The following RSPO3 variants were observed in gnomAD, a reference collection of about 807,000 sequenced individuals.
RSPO3 encodes the protein R-spondin 3, also known as R-spondin-3.
Under a neutral mutation model 36.5 loss-of-function variants are expected in RSPO3, and 17 were observed. That is an observed-to-expected ratio of 0.47 (90% CI 0.32 to 0.70). RSPO3 has a LOEUF of 0.70. Ranked by LOEUF, RSPO3 falls within the 30% of genes least tolerant of loss-of-function variation. The probability of loss-of-function intolerance (pLI) is 0.04; values close to 1 mark genes in which losing one functional copy is unlikely to be tolerated. For missense variants in RSPO3, 294 were observed against 322.5 expected, an observed-to-expected ratio of 0.91 and a Z score of 0.68; for synonymous variants, 108 against 107.0, an observed-to-expected ratio of 1.01 and a Z score of -0.06.
chr6:127,173,722 T>G (rs923564773), intron 4 of RSPO3, among the ~76,000 whole-genome samples: 1 of 151,832 alleles, frequency 6.6e-6, no homozygotes. Context: ...GAACACAACG[T>G]GCATGTGCGA....
intron 4 of RSPO3, among the ~76,000 whole-genome samples, chr6:127,179,424 G>A (rs1775135298): frequency 1.3e-5 from 2 of 151,848 alleles, no homozygotes; most frequent in African/African-American, 2.4e-5. Context: ...AGGAAATTAA[G>A]GCTCTTATGT....
chr6:127,119,665 T>C (rs1413641561), intron 1 of RSPO3, among the ~76,000 whole-genome samples: 1 of 152,232 alleles, frequency 6.6e-6, no homozygotes, highest in Non-Finnish European at 1.5e-5. Flanking sequence ...AGACGCAGGA[T>C]GCCTCTGACC....
At chr6:127,190,886 A>G (rs1775396114) in intron 4 of RSPO3, among the ~76,000 whole-genome samples, 1 of 152,224 alleles carries the variant, frequency 6.6e-6, no homozygotes, top group Non-Finnish European at 1.5e-5. Flanking sequence ...GGTTCTCAAT[A>G]AGTGAATTAC....
chr6:127,139,102 A>G (rs868021688), intron 1 of RSPO3, among the ~76,000 whole-genome samples: 1 of 152,132 alleles, frequency 6.6e-6, no homozygotes, highest in South Asian at 2.1e-4. Flanking sequence ...AAGTATAAAG[A>G]TGCATCATAC....
chr6:127,135,416 TAAAA>T lies in RSPO3; in HGVS notation c.98-13210_98-13207del, dbSNP rs35739572. Among the ~76,000 whole-genome samples the T allele has an allele frequency of 3.2e-3, 302 of 95,222 alleles. 1 individual carries two copies. The highest frequency in any genetic ancestry group is 0.013 in the Middle Eastern group (2 of 152). The allele number at this position is 95,222 out of a possible 152,430, so 62.5% of individuals were successfully genotyped here. A position where few individuals can be genotyped will look rare whatever the true frequency, so the allele number is the denominator to read the frequency against. The stretch of plus-strand genomic sequence containing the variant: ...AGCCTGGCAACAGAGTGAGAATCCA[TAAAA>T]AAAAAAAAAAAAAAAAAAAAATTTA... On this transcript the variant is annotated intron_variant, in intron 1 of 4. Coordinates refer to ENST00000356698, the MANE Select transcript of RSPO3 (RefSeq NM_032784.5).
intron 4 of RSPO3, among the ~76,000 whole-genome samples, chr6:127,165,175 G>C (rs186026222): frequency 6.6e-6 from 1 of 152,114 alleles, no homozygotes; most frequent in Admixed American, 6.6e-5. Flanking sequence ...TAGAAAATAT[G>C]TGCATACTTA....
intron 4 of RSPO3, among the ~76,000 whole-genome samples, chr6:127,173,061 T>G (rs1364447031): frequency 4.0e-5 from 6 of 151,832 alleles, no homozygotes. Context: ...TCTGCTCTTT[T>G]CTAACTATAC....
chr6:127,196,195 G>C lies in RSPO3; in HGVS notation c.*188G>C, dbSNP rs772193022. 1.0e-5 allele frequency: 4 copies of C among 393,114 alleles called. No homozygotes were observed. The highest frequency in any genetic ancestry group is 1.3e-5 in the Non-Finnish European group (3 of 223,882). The allele number at this position is 393,114 out of a possible 1,614,324, so 24.4% of individuals were successfully genotyped here. Reference sequence around the variant, plus strand: ...AACAAAGAGCCAAAAGATCAAAGAAGGGATACTTTCAGATGGTTGTCTTGT... The same window carrying C: ...AACAAAGAGCCAAAAGATCAAAGAACGGATACTTTCAGATGGTTGTCTTGT... On this transcript the variant is annotated 3_prime_UTR_variant, in exon 5 of 5. Coordinates refer to ENST00000356698, the MANE Select transcript of RSPO3 (RefSeq NM_032784.5).
At chr6:127,168,545 T>C (rs531068864) in intron 4 of RSPO3, among the ~76,000 whole-genome samples, 28 of 152,220 alleles carry the variant, frequency 1.8e-4, no homozygotes, top group Non-Finnish European at 3.4e-4. Context: ...TCTCCCATTC[T>C]GTAGGTTATT....
Position 127,155,393 on chromosome 6 carries a change from A to G in RSPO3, c.589A>G (p.Arg197Gly). 1 of 1,613,904 alleles carries G rather than the reference A, an allele frequency of 6.2e-7. No homozygotes were observed. The highest frequency in any genetic ancestry group is 1.7e-5 in the Admixed American group (1 of 59,970). The change falls in exon 4 of 5, where the codon AGA (arginine) becomes GGA (glycine). Residue 197 changes from arginine (R) to glycine (G), a missense_variant. Arg to Gly is a moderately radical substitution (Grantham distance 125). Coordinates refer to ENST00000356698, the MANE Select transcript of RSPO3 (RefSeq NM_032784.5). ...GNLCPPTNET[R>G]KCTVQRKKCQ... ...CCTGTGTCCCCCAACAAATGAGACAAGAAAGTGTACAGTGCAAAGGAAGAA... is the reference window on the plus strand; with the variant it reads ...CCTGTGTCCCCCAACAAATGAGACAGGAAAGTGTACAGTGCAAAGGAAGAA...
Position 127,150,689 on chromosome 6 carries a change from T to C in RSPO3, c.436+117T>C, listed in dbSNP as rs1302056988. Reference sequence around the variant, plus strand: ...TCTTGGGCTGAGATCTCTTAAAGGCTGTCTCCATCCTTCTTTACAAAGATA... The same window carrying C: ...TCTTGGGCTGAGATCTCTTAAAGGCCGTCTCCATCCTTCTTTACAAAGATA... On this transcript the variant is annotated intron_variant, in intron 3 of 4. Coordinates refer to ENST00000356698, the MANE Select transcript of RSPO3 (RefSeq NM_032784.5). 8 of 887,348 alleles carry C rather than the reference T, an allele frequency of 9.0e-6. No homozygotes were observed. In the African/African-American group the frequency reaches 1.4e-4, roughly 15 times the overall value. The allele number at this position is 887,348 out of a possible 1,614,324, so 55.0% of individuals were successfully genotyped here.
At chr6:127,187,205 G>A (rs1031536069) in intron 4 of RSPO3, among the ~76,000 whole-genome samples, 1 of 152,012 alleles carries the variant, frequency 6.6e-6, no homozygotes, top group Non-Finnish European at 1.5e-5. Context: ...TATTTTGAGA[G>A]GACTAGGTCC....
At position 127,197,423 on chromosome 6, in the gene RSPO3, T is replaced by C. The variant is rs1482961304; in HGVS notation, c.*1416T>C. 6.5e-7 allele frequency: 1 copy of C among 1,550,386 alleles called. No homozygotes were observed. The highest frequency in any genetic ancestry group is 1.4e-5 in the African/African-American group (1 of 73,046). ...CATATTTTCTATCTGTGGATCTCTTTAGGGGATTGAAGTCACCCTAGCTGA... is the reference window on the plus strand; with the variant it reads ...CATATTTTCTATCTGTGGATCTCTTCAGGGGATTGAAGTCACCCTAGCTGA... On this transcript the variant is annotated 3_prime_UTR_variant, in exon 5 of 5. Coordinates refer to ENST00000356698, the MANE Select transcript of RSPO3 (RefSeq NM_032784.5).
chr6:127,192,246 G>A (rs960686783), intron 4 of RSPO3, among the ~76,000 whole-genome samples: 7 of 152,088 alleles, frequency 4.6e-5, no homozygotes, highest in African/African-American at 1.4e-4. Context: ...ATATCCCCAG[G>A]TTTTATCACA....
chr6:127,136,492 A>G (rs192780130), intron 1 of RSPO3, among the ~76,000 whole-genome samples: 1 of 152,310 alleles, frequency 6.6e-6, no homozygotes, highest in East Asian at 1.9e-4. Flanking sequence ...CTGGAAAAGT[A>G]TCATTTTGCC....
At chr6:127,188,593 T>C (rs1775344837) in intron 4 of RSPO3, among the ~76,000 whole-genome samples, 1 of 151,554 alleles carries the variant, frequency 6.6e-6, no homozygotes, top group South Asian at 2.1e-4. Flanking sequence ...AAGTTACATA[T>C]ATATATATAT....
intron 1 of RSPO3, 35 bp downstream of exon 1, chr6:127,119,324 C>T (rs1365455575): frequency 6.7e-7 from 1 of 1,497,098 alleles, no homozygotes; most frequent in Admixed American, 1.7e-5. Flanking sequence ...TTGCTCCCTC[C>T]CGCCGCGTTC....
At chr6:127,128,245 A>G (rs986196245) in intron 1 of RSPO3, among the ~76,000 whole-genome samples, 21 of 152,076 alleles carry the variant, frequency 1.4e-4, no homozygotes, top group African/African-American at 4.6e-4. Flanking sequence ...TACTTTTACC[A>G]TGAGCATTAA....
At position 127,197,506 on chromosome 6, in the gene RSPO3, C is replaced by T. The variant is rs1487677120; in HGVS notation, c.*1499C>T. ...CCACCCCTTGCAGGAGGAGGTATCT[C>T]TGAGTGTGCAGCACAGAATCGCATG... On this transcript the variant is annotated 3_prime_UTR_variant, in exon 5 of 5. Transcript: ENST00000356698. 1 of 1,550,558 alleles carries T rather than the reference C, an allele frequency of 6.4e-7. No homozygotes were observed. The highest frequency in any genetic ancestry group is 2.4e-5 in the East Asian group (1 of 40,902).
Sources: allele counts gnomAD v4.1 joint callset (sites outside exome capture counted in the v4.1 genomes callset), GRCh38; gene constraint gnomAD v4.1.1; transcripts MANE v1.5; gene names NCBI Gene and HGNC (gene_info 2026-07-23, HGNC 2026-07-21).